Variants in LRRIQ3 observed in about 807,000 individuals in gnomAD.
LRRIQ3 encodes leucine rich repeats and IQ motif containing 3, also known as leucine-rich repeat and IQ domain-containing protein 3.
Under a neutral mutation model 59.3 loss-of-function variants are expected in LRRIQ3, and 75 were observed. The ratio of observed to expected loss-of-function variants is 1.26; its 90% CI spans 1.05 to 1.53. The LOEUF (loss-of-function observed/expected upper bound fraction) is 1.53, where lower values mean the gene tolerates loss of function less well. Ranked by LOEUF, LRRIQ3 falls within the 40% of genes most tolerant of loss-of-function variation. LRRIQ3 has a pLI of 0.00. For missense variants in LRRIQ3, 831 were observed against 710.0 expected (o/e 1.17, Z -1.94); for synonymous variants, 250 against 231.3 (o/e 1.08, Z -0.73).
At chr1:74,150,523 TATATTAATGTATTTTAATC>T (rs1428466229) in intron 4 of LRRIQ3, among the ~76,000 whole-genome samples, 1 of 152,144 alleles carries the variant, frequency 6.6e-6, no homozygotes, top group African/African-American at 2.4e-5. Context: ...TTCCAATATG[TATATTAATGTATTTTAATC>T]ATATTTACTG....
intron 1 of LRRIQ3, among the ~76,000 whole-genome samples, chr1:74,196,024 A>G (rs1326556744): frequency 2.6e-5 from 4 of 152,116 alleles, no homozygotes; most frequent in Non-Finnish European, 5.9e-5. Flanking sequence ...CTAAAAATTA[A>G]TATTAATGAA....
At chr1:74,176,820 T>A (rs1649669974) in intron 3 of LRRIQ3, among the ~76,000 whole-genome samples, 1 of 152,032 alleles carries the variant, frequency 6.6e-6, no homozygotes, top group Admixed American at 6.6e-5. Flanking sequence ...CTACAATGGG[T>A]TAGTAAGGGC....
chr1:74,187,647 G>C (rs900246903), intron 1 of LRRIQ3, among the ~76,000 whole-genome samples: 2 of 152,060 alleles, frequency 1.3e-5, no homozygotes, highest in Admixed American at 6.6e-5. Context: ...CACACTGCTT[G>C]GGTGACAGGT....
At chr1:74,061,963 G>A (rs1173668603) in intron 6 of LRRIQ3, among the ~76,000 whole-genome samples, 1 of 152,156 alleles carries the variant, frequency 6.6e-6, no homozygotes, top group East Asian at 1.9e-4. Context: ...GAGCCTGGGA[G>A]GCTGAAGTTG....
chr1:74,122,573 T>C (rs1193019841), intron 4 of LRRIQ3, among the ~76,000 whole-genome samples: 1 of 152,072 alleles, frequency 6.6e-6, no homozygotes, highest in East Asian at 1.9e-4. Flanking sequence ...AAACAAGAAA[T>C]GGGGAAAGGT....
chr1:74,135,187 T>C (rs1647101215), intron 4 of LRRIQ3, among the ~76,000 whole-genome samples: 1 of 151,862 alleles, frequency 6.6e-6, no homozygotes, highest in South Asian at 2.1e-4. Flanking sequence ...GAAATGTCAC[T>C]TCATCAGGTA....
intron 6 of LRRIQ3, among the ~76,000 whole-genome samples, chr1:74,059,517 C>T (rs1183613735): frequency 6.6e-6 from 1 of 152,028 alleles, no homozygotes; most frequent in Non-Finnish European, 1.5e-5. Context: ...AATAAATTAT[C>T]TTGGCACACT....
Position 74,183,446 on chromosome 1 carries a change from T to C in LRRIQ3, c.239A>G (p.His80Arg), listed in dbSNP as rs552021191. 22 of 1,574,692 alleles carry C rather than the reference T, an allele frequency of 1.4e-5. No individual in the cohort carries two copies. Among genetic ancestry groups the C allele is most frequent in the Admixed American group, 1.1e-4 (6 of 54,898 alleles). ...SCIKLIKLDL[H>R]GNQIKSLPNT... is the part of the protein sequence containing the mutation. ...ATGGCTATTGCTTACCTGATTTCCA[T>C]GGAGATCAAGTTTGATTAATTTTAT... is the stretch of plus-strand genomic sequence containing the variant. Residue 80 changes from histidine (H) to arginine (R), a missense_variant, in exon 2 of 8, where the codon CAT (histidine) becomes CGT (arginine). Coordinates refer to ENST00000354431, the MANE Select transcript of LRRIQ3 (RefSeq NM_001105659.2).
intron 5 of LRRIQ3, 70 bp downstream of exon 5, chr1:74,109,324 C>T (rs149254867): frequency 3.7e-5 from 39 of 1,046,118 alleles, no homozygotes; most frequent in South Asian, 9.1e-5. Context: ...GAAATAATAG[C>T]GCTACCTAAA....
At chr1:74,104,976 T>C (rs1646600594) in intron 5 of LRRIQ3, among the ~76,000 whole-genome samples, 1 of 151,864 alleles carries the variant, frequency 6.6e-6, no homozygotes, top group Admixed American at 6.6e-5. Context: ...GTTTATGAAT[T>C]AAAAAGAAGA....
chr1:74,105,818 A>G (rs1411964545), intron 5 of LRRIQ3, among the ~76,000 whole-genome samples: 2 of 152,004 alleles, frequency 1.3e-5, no homozygotes, highest in African/African-American at 2.4e-5. Flanking sequence ...AATCTTTGGA[A>G]GCAAAGCAAA....
intron 5 of LRRIQ3, among the ~76,000 whole-genome samples, chr1:74,099,775 C>G (rs1646504002): frequency 6.6e-6 from 1 of 152,108 alleles, no homozygotes. Flanking sequence ...TAAATGTAAT[C>G]CATCATATAA....
intron 4 of LRRIQ3, among the ~76,000 whole-genome samples, chr1:74,144,225 T>A (rs1213402171): frequency 6.6e-6 from 1 of 151,926 alleles, no homozygotes; most frequent in Non-Finnish European, 1.5e-5. Flanking sequence ...TAGATTATAA[T>A]CAGTGTCCCT....
rs981016073 is a variant in LRRIQ3, at chr1:74,140,109, T to C, written c.707+15624A>G. Among the ~76,000 whole-genome samples the C allele has an allele frequency of 1.6e-4, 24 of 151,752 alleles. 1 individual carries two copies. Among genetic ancestry groups the C allele is most frequent in the Non-Finnish European group, 1.8e-4 (12 of 67,848 alleles). On this transcript the variant is annotated intron_variant, in intron 4 of 7. Transcript: ENST00000354431. ...CAGGAATAACATTTAATGTAAATAGTCCAAATATGATAGTTAATATAAAAA... is the reference window on the plus strand; with the variant it reads ...CAGGAATAACATTTAATGTAAATAGCCCAAATATGATAGTTAATATAAAAA...
At chr1:74,147,520 C>T (rs1349735823) in intron 4 of LRRIQ3, among the ~76,000 whole-genome samples, 4 of 152,110 alleles carry the variant, frequency 2.6e-5, no homozygotes, top group Non-Finnish European at 4.4e-5. Context: ...TGTCAAAATG[C>T]TAATCATTTC....
intron 4 of LRRIQ3, among the ~76,000 whole-genome samples, chr1:74,124,749 T>C (rs561142005): frequency 3.3e-5 from 5 of 152,174 alleles, no homozygotes; most frequent in African/African-American, 1.2e-4. Context: ...CTATGTTGTT[T>C]TGGTTACTAT....
At chr1:74,130,375 G>A (rs1279314091) in intron 4 of LRRIQ3, among the ~76,000 whole-genome samples, 1 of 152,088 alleles carries the variant, frequency 6.6e-6, no homozygotes, top group Non-Finnish European at 1.5e-5. Context: ...ACTTTCCACT[G>A]TGACAGGGCA....
intron 5 of LRRIQ3, among the ~76,000 whole-genome samples, chr1:74,079,858 A>G (rs1487982232): frequency 6.6e-6 from 1 of 151,706 alleles, no homozygotes; most frequent in East Asian, 1.9e-4. Flanking sequence ...TATAGCTTGT[A>G]TTTTCTACAG....
intron 6 of LRRIQ3, among the ~76,000 whole-genome samples, chr1:74,049,314 T>A (rs1294237136): frequency 6.6e-6 from 1 of 152,124 alleles, no homozygotes; most frequent in African/African-American, 2.4e-5. Flanking sequence ...GTCGTTGAAG[T>A]AGGGGACTGA....
Sources: gnomAD v4.1 joint callset for allele counts (sites outside exome capture counted in the v4.1 genomes callset) on GRCh38, gnomAD v4.1.1 for gene constraint, MANE v1.5 for transcripts, NCBI Gene and HGNC (gene_info 2026-07-23, HGNC 2026-07-21) for gene names.